Variants in PRKN observed in about 807,000 individuals in gnomAD.
PRKN encodes the protein parkin RBR E3 ubiquitin protein ligase.
Under a neutral mutation model 59.5 loss-of-function variants are expected in PRKN, and 56 were observed. That is an observed-to-expected ratio of 0.94 (90% CI 0.76 to 1.18). PRKN has a LOEUF of 1.18. Among genes scored for constraint, PRKN ranks in the 50% most tolerant of loss-of-function variants. The pLI, the probability that PRKN is intolerant of heterozygous loss-of-function variation, is 0.00. For synonymous variants in PRKN, 250 were observed against 222.1 expected, an observed-to-expected ratio of 1.13 and a Z score of -1.12; for missense variants, 657 against 596.4, an observed-to-expected ratio of 1.10 and a Z score of -1.06.
At chr6:162,625,724 A>ATG (rs1248212343) in intron 1 of PRKN, among the ~76,000 whole-genome samples, 3 of 152,038 alleles carry the variant, frequency 2.0e-5, no homozygotes, top group African/African-American at 7.2e-5. Context: ...ATATATATAT[A>ATG]AACTTATGTT....
chr6:161,780,658 C>T (rs1323793564), intron 7 of PRKN, among the ~76,000 whole-genome samples: 1 of 152,042 alleles, frequency 6.6e-6, no homozygotes, highest in African/African-American at 2.4e-5. Context: ...ATAATCTAAA[C>T]ATGAGGAAAA....
At chr6:161,811,410 G>A (rs993468148) in intron 6 of PRKN, among the ~76,000 whole-genome samples, 1 of 152,142 alleles carries the variant, frequency 6.6e-6, no homozygotes, top group African/African-American at 2.4e-5. Context: ...GCATCAGGAT[G>A]GATAAATAGA....
intron 6 of PRKN, among the ~76,000 whole-genome samples, chr6:161,788,993 A>C (rs1790536140): frequency 6.6e-6 from 1 of 152,228 alleles, no homozygotes. Context: ...CTTTATACAC[A>C]CACACGCACA....
chr6:162,381,197 A>G (rs940135767), intron 2 of PRKN, among the ~76,000 whole-genome samples: 1 of 152,170 alleles, frequency 6.6e-6, no homozygotes, highest in Non-Finnish European at 1.5e-5. Flanking sequence ...ATTGGAAGAC[A>G]GTTCCTGATG....
chr6:162,633,860 T>A (rs1777611128), intron 1 of PRKN, among the ~76,000 whole-genome samples: 1 of 152,128 alleles, frequency 6.6e-6, no homozygotes, highest in Admixed American at 6.5e-5. Context: ...AAACTATTTT[T>A]CAACATTGCC....
In PRKN at chr6:162,387,360, C is replaced by T. The variant is rs145169365; in HGVS notation, c.171+55950G>A. Among the ~76,000 whole-genome samples the T allele has an allele frequency of 3.3e-5, 5 of 151,858 alleles. No homozygotes were observed. The South Asian group carries it at 6.2e-4, about 19-fold the overall frequency. On this transcript the variant is annotated intron_variant, in intron 2 of 11. Coordinates refer to ENST00000366898, the MANE Select transcript of PRKN (RefSeq NM_004562.3). Reference sequence around the variant, plus strand: ...TTTCCTTAGTAATAGTTCTTAAGCTCAATTTACAAGCACAAATTCTCTAAT... The same window carrying T: ...TTTCCTTAGTAATAGTTCTTAAGCTTAATTTACAAGCACAAATTCTCTAAT...
In PRKN at chr6:161,365,946, C is replaced by T. The variant is rs373585075; in HGVS notation, c.1168-5741G>A. 1.3e-4 allele frequency among the ~76,000 whole-genome samples: 20 copies of T among 152,198 alleles called. No homozygotes were observed. In the East Asian group the frequency reaches 1.7e-3, roughly 13 times the overall value. ...CTGGAAGAGGGAAAATTGAGAGCAG[C>T]AATTTCTGTTTTCACCTGCAAGGAT... is the stretch of plus-strand genomic sequence containing the variant. On this transcript the variant is annotated intron_variant, in intron 10 of 11. Coordinates refer to ENST00000366898, the MANE Select transcript of PRKN (RefSeq NM_004562.3).
intron 5 of PRKN, among the ~76,000 whole-genome samples, chr6:161,978,239 T>C (rs1781128974): frequency 6.6e-6 from 1 of 151,950 alleles, no homozygotes; most frequent in Admixed American, 6.6e-5. Flanking sequence ...TTAGTAGAGA[T>C]GGGGTTTCAC....
intron 1 of PRKN, among the ~76,000 whole-genome samples, chr6:162,594,900 C>T (rs1316020459): frequency 2.6e-5 from 4 of 152,140 alleles, no homozygotes; most frequent in Non-Finnish European, 4.4e-5. Context: ...CTGAGCTGGG[C>T]GCGGTGGCTC....
intron 3 of PRKN, among the ~76,000 whole-genome samples, chr6:162,209,620 G>T (rs745934142): frequency 6.6e-6 from 1 of 152,046 alleles, no homozygotes; most frequent in Non-Finnish European, 1.5e-5. Context: ...ACACCCAAAG[G>T]ATTATAAATC....
In PRKN at chr6:161,470,154, G is replaced by A. The variant is rs1790713412; in HGVS notation, c.1083+78700C>T. On this transcript the variant is annotated intron_variant, in intron 9 of 11. Transcript: ENST00000366898. The surrounding 1 kb of genome is among the most constrained non-coding windows in gnomAD (Gnocchi z 5.1). ...AGCTAGGAAGTGAACTCTGGCTAGG[G>A]TCTAAACCTAGACAGTCTGAGCCTT... is the stretch of plus-strand genomic sequence containing the variant. 6.6e-6 allele frequency among the ~76,000 whole-genome samples: 1 copy of A among 152,166 alleles called. No individual in the cohort carries two copies. The highest frequency in any genetic ancestry group is 2.4e-5 in the African/African-American group (1 of 41,434).
rs548098241 is a variant in PRKN, at chr6:161,353,755, C to T, written c.1286-3544G>A. On this transcript the variant is annotated intron_variant, in intron 11 of 11. Coordinates refer to ENST00000366898, the MANE Select transcript of PRKN (RefSeq NM_004562.3). The surrounding 1 kb of genome is among the most constrained non-coding windows in gnomAD (Gnocchi z 4.8). ...CTTGAAGCCAGTCGATCAGAACTTCCGGAAGCCCAGACTTGAGACCGGTGA... is the reference window on the plus strand; with the variant it reads ...CTTGAAGCCAGTCGATCAGAACTTCTGGAAGCCCAGACTTGAGACCGGTGA... 2.0e-5 allele frequency among the ~76,000 whole-genome samples: 3 copies of T among 152,308 alleles called. No individual in the cohort carries two copies. In the South Asian group the frequency reaches 6.2e-4, roughly 32 times the overall value.
intron 4 of PRKN, among the ~76,000 whole-genome samples, chr6:162,194,177 C>G (rs1434004395): frequency 1.3e-5 from 2 of 152,002 alleles, no homozygotes; most frequent in South Asian, 4.2e-4. Context: ...AAGAAGAAAA[C>G]GTTCTTAAGA....
chr6:162,191,165 T>G (rs1265696560), intron 4 of PRKN, among the ~76,000 whole-genome samples: 1 of 152,142 alleles, frequency 6.6e-6, no homozygotes, highest in African/African-American at 2.4e-5. Flanking sequence ...ACAAATGTGA[T>G]AGTCGCTGAT....
At chr6:162,362,444 G>A (rs143389190) in intron 2 of PRKN, among the ~76,000 whole-genome samples, 5 of 152,106 alleles carry the variant, frequency 3.3e-5, no homozygotes, top group Admixed American at 1.3e-4. Context: ...GGGGGTGGGA[G>A]GTGGCGGACA....
intron 2 of PRKN, among the ~76,000 whole-genome samples, chr6:162,367,774 A>C (rs1785530312): frequency 6.6e-6 from 1 of 152,158 alleles, no homozygotes; most frequent in Non-Finnish European, 1.5e-5. Flanking sequence ...GAAAGAGAAA[A>C]AAAGAAAGAA....
chr6:162,363,761 C>T (rs1458255842), intron 2 of PRKN, among the ~76,000 whole-genome samples: 1 of 152,152 alleles, frequency 6.6e-6, no homozygotes, highest in African/African-American at 2.4e-5. Flanking sequence ...GAGATACAGT[C>T]CTCTTTGGGC....
intron 6 of PRKN, among the ~76,000 whole-genome samples, chr6:161,957,218 G>A (rs1780201851): frequency 6.6e-6 from 1 of 152,178 alleles, no homozygotes; most frequent in South Asian, 2.1e-4. Context: ...AGTTTCCTAA[G>A]CACTGTCACG....
chr6:162,695,689 C>G (rs1442100307), intron 1 of PRKN, among the ~76,000 whole-genome samples: 1 of 152,144 alleles, frequency 6.6e-6, no homozygotes, highest in Non-Finnish European at 1.5e-5. Context: ...TGTACAAGTT[C>G]AGGGAGCCTC....
Sources: allele counts gnomAD v4.1 joint callset (sites outside exome capture counted in the v4.1 genomes callset), GRCh38; gene constraint gnomAD v4.1.1; non-coding constraint Gnocchi (gnomAD v3.1); transcripts MANE v1.5; gene names NCBI Gene and HGNC (gene_info 2026-07-23, HGNC 2026-07-21).